The following TAF12 variants were observed in gnomAD, a reference collection of about 807,000 sequenced individuals.
TAF12 encodes the protein transcription initiation factor TFIID subunit 12.
TAF12 carries 3 observed loss-of-function variants against 20.8 expected under a neutral mutation model. The ratio of observed to expected loss-of-function variants is 0.14; its 90% CI spans 0.07 to 0.37. The LOEUF (loss-of-function observed/expected upper bound fraction) is 0.37. TAF12 is among the 10% of genes least tolerant of loss of function. The probability of loss-of-function intolerance (pLI) is 1.00; values close to 1 mark genes in which losing one functional copy is unlikely to be tolerated. For synonymous variants in TAF12, 69 were observed against 70.2 expected (o/e 0.98, Z 0.09); for missense variants, 131 against 197.9 (o/e 0.66, Z 2.03).
chr1:28,621,994 A>G lies in TAF12; in HGVS notation c.88T>C (p.Ser30Pro). 1 of 1,614,032 alleles carries G rather than the reference A, an allele frequency of 6.2e-7. No homozygotes were observed. The highest frequency in any genetic ancestry group is 1.1e-5 in the South Asian group (1 of 91,062). ...PEPASTPPQGSMANSTAVVKI... is the reference protein window; with the variant it reads ...PEPASTPPQGPMANSTAVVKI... ...ACCACTGCAGTACTATTGGCCATGG[A>G]GCCTTGTGGAGGGGTGCTGGCTGGT... is the stretch of plus-strand genomic sequence containing the variant. Residue 30 changes from serine to proline, a missense_variant, in exon 2 of 6, where the codon TCC (serine) becomes CCC (proline). Ser to Pro is a moderately conservative substitution (Grantham distance 74, BLOSUM62 -1). Transcript: ENST00000373824.
chr1:28,610,220 G>A (rs1336657589), intron 4 of TAF12, among the ~76,000 whole-genome samples: 1 of 151,880 alleles, frequency 6.6e-6, no homozygotes, highest in Non-Finnish European at 1.5e-5. Context: ...CACCTGCCTC[G>A]GCCTCACAAA....
Position 28,627,734 on chromosome 1 carries a change from T to C in TAF12, c.-84-5569A>G, listed in dbSNP as rs565157915. 7.3e-5 allele frequency among the ~76,000 whole-genome samples: 11 copies of C among 151,220 alleles called. No individual in the cohort carries two copies. In the South Asian group the frequency reaches 2.3e-3, roughly 32 times the overall value. On this transcript the variant is annotated intron_variant, in intron 1 of 5. Coordinates refer to ENST00000373824, the MANE Select transcript of TAF12 (RefSeq NM_005644.4). Reference sequence around the variant, plus strand: ...CCTCTGGAGAAGGGGAAAAATCAGTTTCTCCCTAAGAAACTCGACAAAAAT... The same window carrying C: ...CCTCTGGAGAAGGGGAAAAATCAGTCTCTCCCTAAGAAACTCGACAAAAAT...
chr1:28,605,309 C>T (rs758606482), intron 5 of TAF12, 63 bp downstream of exon 5: 3 of 1,549,436 alleles, frequency 1.9e-6, no homozygotes, highest in Non-Finnish European at 2.7e-6. Context: ...TGTGTGTATC[C>T]ACTCTGAGAC....
chr1:28,625,470 A>G (rs1214467166), intron 1 of TAF12, among the ~76,000 whole-genome samples: 1 of 152,110 alleles, frequency 6.6e-6, no homozygotes, highest in African/African-American at 2.4e-5. Context: ...TCGTGGACTC[A>G]AGCAATCCTC....
chr1:28,628,348 G>A (rs1667504018), intron 1 of TAF12, among the ~76,000 whole-genome samples: 1 of 150,018 alleles, frequency 6.7e-6, no homozygotes, highest in African/African-American at 2.4e-5. Context: ...CTGGGTGACA[G>A]AGCAAGACTC....
chr1:28,628,713 A>G (rs1232535801), intron 1 of TAF12, among the ~76,000 whole-genome samples: 7 of 152,216 alleles, frequency 4.6e-5, no homozygotes, highest in Non-Finnish European at 8.8e-5. Context: ...AATGGTCTCC[A>G]AGAGAAATTG....
intron 4 of TAF12, among the ~76,000 whole-genome samples, chr1:28,608,070 G>A (rs1279851154): frequency 6.6e-6 from 1 of 151,406 alleles, no homozygotes; most frequent in East Asian, 1.9e-4. Flanking sequence ...GATGGCTCAT[G>A]CCTGTAATCC....
intron 1 of TAF12, among the ~76,000 whole-genome samples, chr1:28,627,907 C>A (rs1014536535): frequency 3.9e-5 from 6 of 151,990 alleles, no homozygotes; most frequent in South Asian, 2.1e-4. Context: ...ACTAACACTA[C>A]CCTTAGGTTC....
chr1:28,638,943 G>A (rs1049859552), intron 1 of TAF12, among the ~76,000 whole-genome samples: 5 of 151,138 alleles, frequency 3.3e-5, no homozygotes, highest in African/African-American at 1.2e-4. Context: ...AGGCGCCCGT[G>A]CCCAGCTAAT....
intron 4 of TAF12, among the ~76,000 whole-genome samples, chr1:28,611,741 G>A (rs1357753926): frequency 3.3e-5 from 5 of 152,118 alleles, no homozygotes; most frequent in African/African-American, 7.2e-5. Context: ...TTTCTGGCCT[G>A]CAGAACTGTG....
intron 1 of TAF12, among the ~76,000 whole-genome samples, chr1:28,641,279 C>T (rs1043487506): frequency 6.6e-6 from 1 of 151,534 alleles, no homozygotes; most frequent in Non-Finnish European, 1.5e-5. Context: ...ATCAGGAGTT[C>T]GAAACACAGC....
intron 1 of TAF12, among the ~76,000 whole-genome samples, chr1:28,633,420 A>T (rs1437917024): frequency 1.4e-5 from 2 of 146,786 alleles, no homozygotes; most frequent in Admixed American, 1.4e-4. Context: ...CACCCGCCTC[A>T]GCCTCCCAAA....
intron 1 of TAF12, chr1:28,642,522 G>C: frequency 1.8e-6 from 1 of 561,898 alleles, no homozygotes; most frequent in South Asian, 7.7e-5. Context: ...CCAAACTCAA[G>C]TTTTCTCTGT....
At chr1:28,622,528 T>C (rs1311793349) in intron 1 of TAF12, among the ~76,000 whole-genome samples, 1 of 152,062 alleles carries the variant, frequency 6.6e-6, no homozygotes, top group Non-Finnish European at 1.5e-5. Flanking sequence ...TTTCCAAATA[T>C]TAAGTGAAAT....
At position 28,613,250 on chromosome 1, in the gene TAF12, A is replaced by T; in HGVS notation, c.358T>A (p.Leu120Ile). The change falls in exon 4 of 6, where the codon TTA (leucine) becomes ATA (isoleucine). Residue 120 changes from leucine to isoleucine, a missense_variant. Leu to Ile is a conservative substitution (Grantham distance 5). Transcript: ENST00000373824. Reference sequence around the variant, plus strand: ...AGGGAGAAACAAGACCACATACCTAAATGCAGCTGGACATCTTTCACCTCC... The same window carrying T: ...AGGGAGAAACAAGACCACATACCTATATGCAGCTGGACATCTTTCACCTCC... ...TLEVKDVQLH[L>I]ERQWNMWIPG... 6.2e-7 allele frequency: 1 copy of T among 1,607,720 alleles called. No homozygotes were observed. The highest frequency in any genetic ancestry group is 8.5e-7 in the Non-Finnish European group (1 of 1,177,112).
At chr1:28,643,198 T>C (rs1185800253), upstream of TAF12, 3 of 794,976 alleles carry the variant, frequency 3.8e-6, no homozygotes, top group Admixed American at 1.9e-4. Flanking sequence ...GGTGGCGATA[T>C]TGAGCTGTGT....
intron 1 of TAF12, among the ~76,000 whole-genome samples, chr1:28,638,954 T>A (rs1196461583): frequency 6.6e-6 from 1 of 151,278 alleles, no homozygotes; most frequent in East Asian, 2.0e-4. Flanking sequence ...CCCAGCTAAT[T>A]TTTTTTGTAT....
At chr1:28,628,299 A>G (rs2124358148) in intron 1 of TAF12, among the ~76,000 whole-genome samples, 1 of 119,790 alleles carries the variant, frequency 8.3e-6, no homozygotes, top group Non-Finnish European at 1.6e-5. Context: ...CAGGAGGTGG[A>G]GGTTGCAGTG....
intron 1 of TAF12, among the ~76,000 whole-genome samples, chr1:28,632,049 T>C (rs1268063262): frequency 3.9e-5 from 6 of 152,194 alleles, no homozygotes; most frequent in Admixed American, 6.6e-5. Flanking sequence ...TATAGCAACA[T>C]CATTCACAAC....
Sources: allele counts gnomAD v4.1 joint callset (sites outside exome capture counted in the v4.1 genomes callset), GRCh38; gene constraint gnomAD v4.1.1; transcripts MANE v1.5; gene names NCBI Gene and HGNC (gene_info 2026-07-23, HGNC 2026-07-21).